Variants in RBMS3 observed in about 807,000 individuals in gnomAD.
The protein encoded by RBMS3 is RNA-binding motif, single-stranded-interacting protein 3.
A neutral mutation model predicts 66.8 loss-of-function variants in RBMS3; 27 were observed. The observed-to-expected ratio is 0.40, with a 90% CI of 0.30 to 0.56. The LOEUF is 0.56. Among genes scored for constraint, RBMS3 ranks in the 20% least tolerant of loss-of-function variants. The probability of loss-of-function intolerance (pLI) is 0.40; values close to 1 mark genes in which losing one functional copy is unlikely to be tolerated. For synonymous variants in RBMS3, 188 were observed against 183.0 expected (o/e 1.03, Z -0.22); for missense variants, 513 against 549.5 (o/e 0.93, Z 0.66).
rs757004921 is a variant in RBMS3, at chr3:29,988,222, A to T, written c.1178A>T (p.Glu393Val). 3 of 1,603,212 alleles carry T rather than the reference A, an allele frequency of 1.9e-6. No homozygotes were observed. The South Asian group carries it at 3.3e-5, about 18-fold the overall frequency. The change falls in exon 13 of 15, where the codon GAA becomes GTA. Residue 393 changes from glutamate to valine, a missense_variant and splice_region_variant. Glu to Val is a moderately radical substitution (Grantham distance 121). Coordinates refer to ENST00000383767, the MANE Select transcript of RBMS3 (RefSeq NM_001003793.3). ...GTGCCTCCGACAGCTGTTTCTATTG[A>T]AGTAAGTCTACCCCTGTCTAATAAA... The part of the protein sequence containing the change: ...TPVPPTAVSI[E>V]GVVADTSPQT...
intron 4 of RBMS3, among the ~76,000 whole-genome samples, chr3:29,623,473 T>C (rs544100309): frequency 7.6e-4 from 115 of 151,798 alleles, no homozygotes; most frequent in Non-Finnish European, 2.9e-4. Flanking sequence ...GCGCCTGTAG[T>C]TCCAGCTACT....
chr3:29,702,810 C>T (rs754791810), intron 4 of RBMS3, among the ~76,000 whole-genome samples: 18 of 152,120 alleles, frequency 1.2e-4, no homozygotes, highest in South Asian at 2.1e-4. Context: ...CGAACACGTC[C>T]GAACGTCAGA....
intron 1 of RBMS3, among the ~76,000 whole-genome samples, chr3:29,429,763 T>C (rs2041108610): frequency 6.6e-6 from 1 of 152,156 alleles, no homozygotes; most frequent in South Asian, 2.1e-4. Flanking sequence ...TATTTTTCTT[T>C]ACTAACATTT....
At chr3:29,723,516 A>G (rs1288601550) in intron 4 of RBMS3, among the ~76,000 whole-genome samples, 1 of 152,234 alleles carries the variant, frequency 6.6e-6, no homozygotes, top group Non-Finnish European at 1.5e-5. Context: ...TTATATACAG[A>G]TGCTCAGACA....
intron 6 of RBMS3, among the ~76,000 whole-genome samples, chr3:29,837,661 AACAT>A (rs1397555664): frequency 4.1e-5 from 3 of 73,266 alleles, no homozygotes; most frequent in East Asian, 5.2e-4. Context: ...ATATATAATG[AACAT>A]ATATATATAT....
intron 3 of RBMS3, among the ~76,000 whole-genome samples, chr3:29,497,973 A>ATTTTTTTT (rs779555263): frequency 0.015 from 631 of 43,432 alleles, 208 homozygotes; most frequent in Non-Finnish European, 0.017. Context: ...AAAAGTATTC[A>ATTTTTTTT]TTTTTTTTTT....
intron 2 of RBMS3, among the ~76,000 whole-genome samples, chr3:29,454,775 G>T (rs1010341670): frequency 6.6e-6 from 1 of 152,162 alleles, no homozygotes; most frequent in African/African-American, 2.4e-5. Flanking sequence ...ATTTATCCAA[G>T]AAACCTTAAT....
rs140429117 is a variant in RBMS3 at position 29,752,099 on chromosome 3, G to A, written c.558-10811G>A. Among the ~76,000 whole-genome samples, 388 of 152,294 alleles carry A rather than the reference G, an allele frequency of 2.5e-3. 9 individuals are homozygous for A. The highest frequency in any genetic ancestry group is 5.0e-4 in the Non-Finnish European group (34 of 68,036). On this transcript the variant is annotated intron_variant, in intron 5 of 14. Transcript: ENST00000383767. ...GGTCACACGAACAATTTGGAGGGTGGTGAATGCAGAGGATTTTATCGTGTG... is the reference window on the plus strand; with the variant it reads ...GGTCACACGAACAATTTGGAGGGTGATGAATGCAGAGGATTTTATCGTGTG...
At chr3:29,709,732 G>T (rs9862829) in intron 4 of RBMS3, among the ~76,000 whole-genome samples, 86,997 of 151,944 alleles carry the variant, frequency 0.57, 25,374 homozygotes, top group African/African-American at 0.69. Flanking sequence ...TGAATGCAAA[G>T]GCCTATATAA....
At chr3:29,353,163 G>A (rs1197781644) in intron 1 of RBMS3, among the ~76,000 whole-genome samples, 4 of 151,654 alleles carry the variant, frequency 2.6e-5, no homozygotes, top group African/African-American at 9.7e-5. Context: ...GTCTGATTCT[G>A]GCTTCCCATT....
chr3:29,640,775 T>C (rs1219603852), intron 4 of RBMS3, among the ~76,000 whole-genome samples: 1 of 152,000 alleles, frequency 6.6e-6, no homozygotes, highest in Non-Finnish European at 1.5e-5. Context: ...GAAACAGTAT[T>C]GTATTTAACC....
intron 3 of RBMS3, among the ~76,000 whole-genome samples, chr3:29,498,170 T>A (rs950568816): frequency 2.0e-5 from 3 of 151,352 alleles, no homozygotes; most frequent in Non-Finnish European, 4.4e-5. Context: ...CATTTTTGTA[T>A]TTTTAGTAGA....
intron 12 of RBMS3, among the ~76,000 whole-genome samples, chr3:29,981,675 A>G (rs1017419322): frequency 9.9e-5 from 15 of 152,174 alleles, no homozygotes; most frequent in South Asian, 2.1e-4. Context: ...TTCTGCATCT[A>G]TCGAGATAAT....
At chr3:29,956,431 A>C (rs574386519) in intron 12 of RBMS3, among the ~76,000 whole-genome samples, 1 of 152,194 alleles carries the variant, frequency 6.6e-6, no homozygotes, top group South Asian at 2.1e-4. Flanking sequence ...TTAGATTATA[A>C]GTTCCTGGAG....
intron 12 of RBMS3, among the ~76,000 whole-genome samples, chr3:29,976,220 A>C (rs750516246): frequency 1.3e-5 from 2 of 151,968 alleles, no homozygotes; most frequent in Non-Finnish European, 2.9e-5. Context: ...TTTAATGCAC[A>C]GTTATCTGTG....
intron 1 of RBMS3, among the ~76,000 whole-genome samples, chr3:29,369,532 ACT>A (rs1161274206): frequency 6.6e-5 from 9 of 135,452 alleles, no homozygotes; most frequent in African/African-American, 2.6e-4. Context: ...ACACACACAC[ACT>A]TTGAGTGAGG....
At chr3:29,473,632 C>G (rs2042835122) in intron 2 of RBMS3, among the ~76,000 whole-genome samples, 1 of 152,232 alleles carries the variant, frequency 6.6e-6, no homozygotes, top group Non-Finnish European at 1.5e-5. Context: ...GGCTGCAGGT[C>G]CCGAGCCCTG....
At chr3:29,739,628 A>G (rs1477210004) in intron 4 of RBMS3, 92 bp from the exon 5 acceptor site, 4 of 1,181,370 alleles carry the variant, frequency 3.4e-6, no homozygotes, top group Non-Finnish European at 4.6e-6. Flanking sequence ...GGAGATTATT[A>G]TCTAGATTGC....
chr3:29,495,719 GAA>G (rs2148926708), intron 3 of RBMS3, among the ~76,000 whole-genome samples: 1 of 152,088 alleles, frequency 6.6e-6, no homozygotes, highest in South Asian at 2.1e-4. Context: ...CGCCCGGTCA[GAA>G]ATACAGATTT....
Sources: allele counts gnomAD v4.1 joint callset (sites outside exome capture counted in the v4.1 genomes callset), GRCh38; gene constraint gnomAD v4.1.1; transcripts MANE v1.5; gene names NCBI Gene and HGNC (gene_info 2026-07-23, HGNC 2026-07-21).